NTM: variants seen among roughly 807,000 people sequenced by gnomAD.
The protein encoded by NTM is IgLON family member 2.
In NTM, 13 loss-of-function variants were observed where a neutral mutation model predicts 42.1. That is an observed-to-expected ratio of 0.31 (90% CI 0.20 to 0.49). The LOEUF is 0.49. Ranked by LOEUF, NTM falls within the 20% of genes least tolerant of loss-of-function variation. The pLI, the probability that NTM is intolerant of heterozygous loss-of-function variation, is 0.99. For synonymous variants in NTM, 187 were observed against 179.2 expected (o/e 1.04, Z -0.35); for missense variants, 373 against 452.8 (o/e 0.82, Z 1.60).
intron 1 of NTM, among the ~76,000 whole-genome samples, chr11:131,731,161 T>TCCC (rs2079636112): frequency 6.6e-6 from 1 of 152,210 alleles, no homozygotes. Flanking sequence ...CTCCTCCTCC[T>TCCC]CCCGTGTGGG....
chr11:131,868,975 A>C (rs1335164271), intron 1 of NTM, among the ~76,000 whole-genome samples: 1 of 152,160 alleles, frequency 6.6e-6, no homozygotes, highest in South Asian at 2.1e-4. Context: ...AAATGAATAC[A>C]AGTATTTGAC....
intron 2 of NTM, among the ~76,000 whole-genome samples, chr11:131,981,843 T>C (rs1161971823): frequency 1.3e-5 from 2 of 151,902 alleles, no homozygotes; most frequent in Non-Finnish European, 2.9e-5. Context: ...AAACCCCATC[T>C]CTACTAAAAA....
intron 1 of NTM, among the ~76,000 whole-genome samples, chr11:131,906,050 A>C (rs7116013): frequency 0.058 from 8,795 of 152,192 alleles, 833 homozygotes; most frequent in African/African-American, 0.2. Flanking sequence ...ACCACTGACA[A>C]ACCCAATAGC....
rs563110888 is a variant in NTM, at chr11:131,958,341, A to C, written c.167+46693A>C. Among the ~76,000 whole-genome samples, 32 of 152,172 alleles carry C rather than the reference A, an allele frequency of 2.1e-4. 1 individual carries two copies. The South Asian group carries it at 5.8e-3, about 28-fold the overall frequency. ...GGTAGACTCTCAGGGGTTGTGGGAG[A>C]ACAGAGTGAAGAGGTACCCCACCCA... On this transcript the variant is annotated intron_variant, in intron 2 of 8. Coordinates refer to ENST00000683400, the MANE Select transcript of NTM (RefSeq NM_001352005.2).
intron 4 of NTM, among the ~76,000 whole-genome samples, chr11:132,226,160 CGT>C (rs2086226978): frequency 6.6e-6 from 1 of 152,068 alleles, no homozygotes; most frequent in African/African-American, 2.4e-5. Context: ...TGAACAGTTC[CGT>C]AATAAACATA....
chr11:131,627,810 G>A (rs1303958031), intron 1 of NTM, among the ~76,000 whole-genome samples: 8 of 152,188 alleles, frequency 5.3e-5, no homozygotes, highest in South Asian at 2.1e-4. Context: ...CAGCTTGGAC[G>A]ACAGAGTAAG....
chr11:131,724,158 C>T (rs1029497334), intron 1 of NTM, among the ~76,000 whole-genome samples: 7 of 152,240 alleles, frequency 4.6e-5, no homozygotes, highest in East Asian at 1.9e-4. Context: ...ACCTGGGCCA[C>T]GGCTTTGTTC....
chr11:132,315,104 G>T (rs774273225), intron 7 of NTM: 11 of 993,834 alleles, frequency 1.1e-5, no homozygotes, highest in Non-Finnish European at 1.3e-5. Flanking sequence ...AGTGATGATG[G>T]CTCCTAAGCT....
chr11:131,854,518 T>C (rs1265476117), intron 1 of NTM, among the ~76,000 whole-genome samples: 2 of 152,074 alleles, frequency 1.3e-5, no homozygotes, highest in Non-Finnish European at 2.9e-5. Context: ...CAGAAGGAAA[T>C]GTACTCTACA....
intron 1 of NTM, among the ~76,000 whole-genome samples, chr11:131,619,675 A>G (rs2062322126): frequency 6.6e-6 from 1 of 152,200 alleles, no homozygotes; most frequent in South Asian, 2.1e-4. Flanking sequence ...TTTTTCATGA[A>G]AAGGAGAGAT....
intron 1 of NTM, among the ~76,000 whole-genome samples, chr11:131,680,122 A>G (rs1007714755): frequency 2.6e-4 from 39 of 152,196 alleles, no homozygotes; most frequent in Admixed American, 2.2e-3. Flanking sequence ...AAGACAGTCC[A>G]GGAGCCCTGA....
chr11:131,810,098 G>A (rs1385144765), intron 1 of NTM, among the ~76,000 whole-genome samples: 1 of 146,938 alleles, frequency 6.8e-6, no homozygotes, highest in Admixed American at 6.9e-5. Flanking sequence ...TCGAGAAAGA[G>A]GGTTCATTAC....
At chr11:131,723,932 T>C (rs1207436760) in intron 1 of NTM, among the ~76,000 whole-genome samples, 1 of 152,226 alleles carries the variant, frequency 6.6e-6, no homozygotes, top group Non-Finnish European at 1.5e-5. Context: ...TAAGAAGGCC[T>C]AGAGGCCAAT....
chr11:132,330,832 C>T (rs1181958231), intron 8 of NTM, among the ~76,000 whole-genome samples: 4 of 152,146 alleles, frequency 2.6e-5, no homozygotes, highest in Non-Finnish European at 2.9e-5. Context: ...GGAGTGGAGG[C>T]GTGGCTGAAT....
At chr11:131,592,704 C>A (rs1158403404) in intron 1 of NTM, among the ~76,000 whole-genome samples, 1 of 148,450 alleles carries the variant, frequency 6.7e-6, no homozygotes, top group Non-Finnish European at 1.5e-5. Flanking sequence ...TCAAAGTTGA[C>A]CTTTAGGGGC....
At chr11:132,316,364 A>G (rs1395605121) in intron 7 of NTM, among the ~76,000 whole-genome samples, 1 of 152,194 alleles carries the variant, frequency 6.6e-6, no homozygotes. Context: ...AGCAATTACA[A>G]TGTCTACTTC....
chr11:131,404,657 T>C (rs1370747418), intron 1 of NTM, among the ~76,000 whole-genome samples: 5 of 152,178 alleles, frequency 3.3e-5, no homozygotes, highest in Middle Eastern at 3.2e-3. Flanking sequence ...TTCATCCATA[T>C]TTTCATGTCT....
intron 1 of NTM, among the ~76,000 whole-genome samples, chr11:131,587,221 G>A (rs945434961): frequency 6.6e-6 from 1 of 152,096 alleles, no homozygotes; most frequent in African/African-American, 2.4e-5. Context: ...GGCTGAGGTG[G>A]GCAGATCACG....
At chr11:131,822,971 T>A (rs779347199) in intron 1 of NTM, among the ~76,000 whole-genome samples, 6 of 152,172 alleles carry the variant, frequency 3.9e-5, no homozygotes, top group Non-Finnish European at 8.8e-5. Flanking sequence ...CTTCCTTCTG[T>A]CTCCCTCCCT....
Sources: allele counts gnomAD v4.1 joint callset (sites outside exome capture counted in the v4.1 genomes callset), GRCh38; gene constraint gnomAD v4.1.1; transcripts MANE v1.5; gene names NCBI Gene and HGNC (gene_info 2026-07-23, HGNC 2026-07-21).